Variants in KIF19 observed in about 807,000 individuals in gnomAD.
The protein encoded by KIF19 is kinesin family member 19.
Under a neutral mutation model 106.6 loss-of-function variants are expected in KIF19, and 98 were observed. The ratio of observed to expected loss-of-function variants is 0.92; its 90% CI spans 0.78 to 1.09. The LOEUF (loss-of-function observed/expected upper bound fraction) is 1.09. Ranked by LOEUF, KIF19 falls within the 50% of genes least tolerant of loss-of-function variation. KIF19 has a pLI of 0.00. For missense variants in KIF19, 1,373 were observed against 1,414.3 expected, an observed-to-expected ratio of 0.97 and a Z score of 0.47; for synonymous variants, 516 against 584.2, an observed-to-expected ratio of 0.88 and a Z score of 1.68.
chr17:74,350,715 A>T lies in KIF19; in HGVS notation c.1397A>T (p.His466Leu), dbSNP rs762794899. ...RHLLTIAGWK[H>L]EKSRRALKWR... ...GGGTGGGGCTGCGGCAGCTGGAAGC[A>T]TGAGAAGTCCCGCCGGGCCCTCAAA... Residue 466 changes from histidine to leucine, a missense_variant, in exon 12 of 20, where the codon CAT becomes CTT. By Grantham distance (99) the His-to-Leu change is moderately conservative (BLOSUM62 -3). Around this residue, in one of 3 missense-constraint regions of KIF19, gnomAD observed 1,020 missense variants for 1,008.2 expected, o/e 1.01. Transcript: ENST00000389916. 1.2e-6 allele frequency: 2 copies of T among 1,613,742 alleles called. No individual in the cohort carries two copies. The highest frequency in any genetic ancestry group is 8.5e-7 in the Non-Finnish European group (1 of 1,179,882).
At position 74,344,241 on chromosome 17, in the gene KIF19, C is replaced by A. The variant is rs778252930; in HGVS notation, c.475C>A (p.Arg159=). The change falls in exon 6 of 20, where the codon CGG becomes AGG. Residue 159 remains arginine (R), a synonymous_variant. Transcript: ENST00000389916. ...CCGTCAGATCTACAATGAGATGATC[C>A]GGGACCTGCTGAACCCCTCCCTGGG... The part of the protein sequence containing the change: ...SYLEIYNEMI[R]DLLNPSLGYL... 1 of 1,612,856 alleles carries A rather than the reference C, an allele frequency of 6.2e-7. No individual in the cohort carries two copies. Among genetic ancestry groups the A allele is most frequent in the Non-Finnish European group, 8.5e-7 (1 of 1,179,680 alleles).
rs942573780 is a variant in KIF19 at position 74,344,904 on chromosome 17, G to T, written c.726G>T (p.Arg242=). 1.9e-6 allele frequency: 3 copies of T among 1,611,740 alleles called. No homozygotes were observed. The African/African-American group carries it at 4.0e-5, about 21-fold the overall frequency. ...TCAAGAACATCTTGCAGGAGGTGCG[G>T]CAGGGCCGCCTGTTCATGATCGACC... ...SRVKNILQEV[R]QGRLFMIDLA... Residue 242 remains arginine, a synonymous_variant, in exon 7 of 20, where the codon CGG becomes CGT. Coordinates refer to ENST00000389916, the MANE Select transcript of KIF19 (RefSeq NM_153209.4).
At position 74,349,804 on chromosome 17, in the gene KIF19, T is replaced by C. The variant is rs1055931714; in HGVS notation, c.1213+455T>C. On this transcript the variant is annotated intron_variant, in intron 10 of 19. Coordinates refer to ENST00000389916, the MANE Select transcript of KIF19 (RefSeq NM_153209.4). Reference sequence around the variant, plus strand: ...AAGAGAGAGGCAGACAGTAAAGATTTTTTTTTTTTTTTGAGACAGAGTCTT... The same window carrying C: ...AAGAGAGAGGCAGACAGTAAAGATTCTTTTTTTTTTTTGAGACAGAGTCTT... Among the ~76,000 whole-genome samples, 242 of 150,038 alleles carry C rather than the reference T, an allele frequency of 1.6e-3. 1 individual carries two copies. The highest frequency in any genetic ancestry group is 5.7e-3 in the African/African-American group (235 of 41,068).
In KIF19 at chr17:74,353,588, G is replaced by A; in HGVS notation, c.2308+7G>A. On this transcript the variant is annotated splice_region_variant and intron_variant, in intron 17 of 19. Transcript: ENST00000389916. The stretch of plus-strand genomic sequence containing the variant: ...ATCCCCTTGTCCCACAAAGGTATGT[G>A]TGCCCTCTGCTGCCCGGCCACCTCA... The A allele has an allele frequency of 6.2e-7, 1 of 1,610,702 alleles. No individual in the cohort carries two copies. The highest frequency in any genetic ancestry group is 8.5e-7 in the Non-Finnish European group (1 of 1,177,272).
chr17:74,334,876 G>A (rs1308275915), intron 2 of KIF19, among the ~76,000 whole-genome samples: 1 of 152,242 alleles, frequency 6.6e-6, no homozygotes, highest in Non-Finnish European at 1.5e-5. Context: ...GATAAAGCCA[G>A]AGCCAGATTA....
chr17:74,337,824 AC>A (rs1307357541), intron 2 of KIF19, among the ~76,000 whole-genome samples: 1 of 152,070 alleles, frequency 6.6e-6, no homozygotes, highest in Non-Finnish European at 1.5e-5. Context: ...AGCTCAGAGC[AC>A]CTGTCCCCAC....
In KIF19 at chr17:74,331,384, C is replaced by T. The variant is rs1174059178; in HGVS notation, c.120+2879C>T. On this transcript the variant is annotated intron_variant, in intron 2 of 19. Transcript: ENST00000389916. The surrounding 1 kb of genome is among the most constrained non-coding windows in gnomAD (Gnocchi z 4.1). The stretch of plus-strand genomic sequence containing the variant: ...GAGGTGGACCGGGGACACAGTAACC[C>T]GCTGGGCTGGGCCACCGTGAGGGGT... Among the ~76,000 whole-genome samples, 4 of 152,086 alleles carry T rather than the reference C, an allele frequency of 2.6e-5. No homozygotes were observed. The highest frequency in any genetic ancestry group is 1.9e-4 in the East Asian group (1 of 5,152).
At chr17:74,345,968 ACC>A (rs1241899170) in intron 7 of KIF19, among the ~76,000 whole-genome samples, 5 of 152,104 alleles carry the variant, frequency 3.3e-5, no homozygotes, top group African/African-American at 1.2e-4. Context: ...AAGGAGAAGA[ACC>A]TGCCCTCCAC....
chr17:74,355,260 T>C lies in KIF19; in HGVS notation c.2945T>C (p.Leu982Pro), dbSNP rs2054850326. 6.2e-7 allele frequency: 1 copy of C among 1,612,716 alleles called. No individual in the cohort carries two copies. The highest frequency in any genetic ancestry group is 1.7e-5 in the Admixed American group (1 of 59,976). The change falls in exon 20 of 20, where the codon CTG (leucine) becomes CCG (proline). Residue 982 changes from leucine to proline, a missense_variant. Leu to Pro is a moderately conservative substitution (Grantham distance 98, BLOSUM62 -3). This residue lies in a region of KIF19 where 1,020 missense variants were observed against 1,008.2 expected (regional missense o/e 1.01). Coordinates refer to ENST00000389916, the MANE Select transcript of KIF19 (RefSeq NM_153209.4). ...GSRRATRGPR[L>P]PHGTSTHGKD... The stretch of plus-strand genomic sequence containing the variant: ...CGACGGGCTACCCGTGGGCCCCGCC[T>C]GCCCCACGGCACAAGCACCCATGGC...
In KIF19 at chr17:74,341,978, G is replaced by A. The variant is rs201047175; in HGVS notation, c.223G>A (p.Ala75Thr). Residue 75 changes from alanine (A) to threonine (T), a missense_variant, in exon 3 of 20, where the codon GCC becomes ACC. Transcript: ENST00000389916. ...YLFDVAFDFTATQEMVYQATT... is the reference protein window; with the variant it reads ...YLFDVAFDFTTTQEMVYQATT... ...GTTCGACGTGGCCTTTGACTTCACC[G>A]CCACCCAGGTGAGGGAGGGCCTGGG... is the stretch of plus-strand genomic sequence containing the variant. The A allele has an allele frequency of 6.2e-6, 10 of 1,611,552 alleles. No individual in the cohort carries two copies. Among genetic ancestry groups the A allele is most frequent in the East Asian group, 2.2e-5 (1 of 44,810 alleles).
In KIF19 at chr17:74,353,261, C is replaced by A; in HGVS notation, c.2180C>A (p.Thr727Asn). ...AWQAKSSSVP[T>N]PPPIQLGSLV... ...CAGGCAAAAAGCTCCTCTGTGCCCA[C>A]CCCACCTCCCATCCAGCTCGGCAGC... is the stretch of plus-strand genomic sequence containing the variant. Residue 727 changes from threonine to asparagine, a missense_variant, in exon 16 of 20, where the codon ACC becomes AAC. Physicochemically the swap from Thr to Asn is moderately conservative, Grantham distance 65. Transcript: ENST00000389916. 6.3e-7 allele frequency: 1 copy of A among 1,581,960 alleles called. No individual in the cohort carries two copies. The highest frequency in any genetic ancestry group is 8.6e-7 in the Non-Finnish European group (1 of 1,164,640).
chr17:74,349,161 C>T (rs774102482), intron 9 of KIF19, 23 bp from the exon 10 acceptor site: 29 of 1,613,208 alleles, frequency 1.8e-5, no homozygotes, highest in East Asian at 8.9e-5. Context: ...GCATCCCCTC[C>T]GCTCCATACG....
intron 2 of KIF19, among the ~76,000 whole-genome samples, chr17:74,336,463 T>C (rs540352432): frequency 8.5e-5 from 13 of 152,216 alleles, no homozygotes; most frequent in Non-Finnish European, 1.6e-4. Flanking sequence ...ACACTCGTCA[T>C]AGTGGATAAA....
Position 74,331,117 on chromosome 17 carries a change from T to A in KIF19, c.120+2612T>A, listed in dbSNP as rs1464664024. 6.6e-6 allele frequency among the ~76,000 whole-genome samples: 1 copy of A among 151,848 alleles called. No homozygotes were observed. Among genetic ancestry groups the A allele is most frequent in the Non-Finnish European group, 1.5e-5 (1 of 67,958 alleles). The stretch of plus-strand genomic sequence containing the variant: ...AAGCAAAATGCACATGGACCCCCCC[T>A]TACCCTTGTCCCCGACCTGACCAGT... On this transcript the variant is annotated intron_variant, in intron 2 of 19. Coordinates refer to ENST00000389916, the MANE Select transcript of KIF19 (RefSeq NM_153209.4). This position sits in a 1 kb window ranked among gnomAD's most constrained non-coding sequence, Gnocchi z 4.1.
chr17:74,347,825 CCTG>C lies in KIF19; in HGVS notation c.975_977del (p.Ala326del). 6.3e-7 allele frequency: 1 copy of C among 1,587,520 alleles called. No homozygotes were observed. The highest frequency in any genetic ancestry group is 1.2e-5 in the South Asian group (1 of 86,646). On this transcript the variant is annotated inframe_deletion, in exon 9 of 20. Coordinates refer to ENST00000389916, the MANE Select transcript of KIF19 (RefSeq NM_153209.4). Reference sequence around the variant, plus strand: ...CACAGTGATGATCGCTCACATCAGTCCTGCGAGCAGTGCCTTCGAGGAGTCCCG... The same window carrying C: ...CACAGTGATGATCGCTCACATCAGTCCGAGCAGTGCCTTCGAGGAGTCCCG...
At chr17:74,342,052 G>T (rs982188722) in intron 3 of KIF19, 66 bp downstream of exon 3, 4 of 1,133,998 alleles carry the variant, frequency 3.5e-6, no homozygotes, top group Non-Finnish European at 5.2e-6. Context: ...CACTCAGGAG[G>T]GGCCCTCCAG....
chr17:74,343,238 T>C, intron 5 of KIF19, 78 bp downstream of exon 5: 1 of 1,427,170 alleles, frequency 7.0e-7, no homozygotes, highest in Admixed American at 1.9e-5. Flanking sequence ...CCCGGGGCGC[T>C]CATCACTGCT....
In KIF19 at chr17:74,352,296, G is replaced by C; in HGVS notation, c.1936G>C (p.Glu646Gln). The C allele has an allele frequency of 1.2e-5, 19 of 1,612,218 alleles. No individual in the cohort carries two copies. Among genetic ancestry groups the C allele is most frequent in the Non-Finnish European group, 1.6e-5 (19 of 1,179,538 alleles). ...GCGGGAGCTGGAGGAGGGCAGCCTG[G>C]AGCAGGCCACCATCATGGACCAAGT... ...YLRELEEGSL[E>Q]QATIMDQVAS... The change falls in exon 14 of 20, where the codon GAG (glutamate) becomes CAG (glutamine). Residue 646 changes from glutamate (E) to glutamine (Q), a missense_variant. Transcript: ENST00000389916.
intron 6 of KIF19, 34 bp downstream of exon 6, chr17:74,344,382 G>T: frequency 6.2e-7 from 1 of 1,605,270 alleles, no homozygotes. Context: ...GAGCCGCTGA[G>T]AGGAAGCTCA....
Sources: gnomAD v4.1 joint callset for allele counts (sites outside exome capture counted in the v4.1 genomes callset) on GRCh38, gnomAD v4.1.1 for gene constraint, gnomAD v4.1.1 regional missense constraint, Gnocchi (gnomAD v3.1) non-coding constraint, MANE v1.5 for transcripts, NCBI Gene and HGNC (gene_info 2026-07-23, HGNC 2026-07-21) for gene names.